FAM222B: variants seen among roughly 807,000 people sequenced by gnomAD.
FAM222B encodes protein FAM222B.
In FAM222B, 12 loss-of-function variants were observed where a neutral mutation model predicts 38.0. The ratio of observed to expected loss-of-function variants is 0.32; its 90% CI spans 0.20 to 0.51. The LOEUF (loss-of-function observed/expected upper bound fraction) is 0.51, where lower values mean the gene tolerates loss of function less well. Among genes scored for constraint, FAM222B ranks in the 20% least tolerant of loss-of-function variants. FAM222B has a pLI of 0.97. For missense variants in FAM222B, 716 were observed against 754.2 expected (o/e 0.95, Z 0.59); for synonymous variants, 329 against 317.2 (o/e 1.04, Z -0.40).
chr17:28,854,886 C>A, intron 1 of FAM222B: 1 of 805,272 alleles, frequency 1.2e-6, no homozygotes, highest in Non-Finnish European at 1.9e-6. Context: ...CCACCAGTCT[C>A]CAGAGCAATT....
chr17:28,779,321 G>A (rs1170597707), intron 1 of FAM222B, among the ~76,000 whole-genome samples: 1 of 152,086 alleles, frequency 6.6e-6, no homozygotes, highest in Non-Finnish European at 1.5e-5. Context: ...CCCATTAAAA[G>A]AAGCATTCAC....
At chr17:28,800,852 T>TG (rs1491400392) in intron 1 of FAM222B, among the ~76,000 whole-genome samples, 18 of 90,282 alleles carry the variant, frequency 2.0e-4, no homozygotes, top group South Asian at 9.8e-4. Flanking sequence ...CACATTTTGT[T>TG]GAAAAAAAAA....
chr17:28,843,691 G>A (rs1294973436), upstream of FAM222B, among the ~76,000 whole-genome samples: 9 of 151,838 alleles, frequency 5.9e-5, no homozygotes, highest in Non-Finnish European at 8.8e-5. Context: ...CAGATGATTC[G>A]CCCGCCCCGG....
At chr17:28,781,685 A>C (rs1026587710) in intron 1 of FAM222B, among the ~76,000 whole-genome samples, 2 of 152,208 alleles carry the variant, frequency 1.3e-5, no homozygotes, top group African/African-American at 4.8e-5. Context: ...ATATAAACAC[A>C]ATGAAAGACT....
At chr17:28,810,256 C>T in intron 1 of FAM222B, among the ~76,000 whole-genome samples, 1 of 152,186 alleles carries the variant, frequency 6.6e-6, no homozygotes, top group East Asian at 1.9e-4. Context: ...TCCCAAAGTG[C>T]TGGGATTACA....
chr17:28,760,013 C>T, intron 2 of FAM222B, 137 bp from the exon 3 acceptor site: 2 of 835,284 alleles, frequency 2.4e-6, no homozygotes, highest in Non-Finnish European at 3.7e-6. Context: ...CTGTAGCCTT[C>T]ATTCGAGACC....
chr17:28,837,392 T>C (rs976759785), intron 1 of FAM222B, among the ~76,000 whole-genome samples: 7 of 148,854 alleles, frequency 4.7e-5, no homozygotes, highest in South Asian at 2.1e-4. Flanking sequence ...ATCGAGCCAC[T>C]GCACTCCAGC....
intron 1 of FAM222B, among the ~76,000 whole-genome samples, chr17:28,819,337 A>G (rs566725729): frequency 6.6e-6 from 1 of 152,294 alleles, no homozygotes; most frequent in East Asian, 1.9e-4. Context: ...AAGACAAATA[A>G]CCAAAGGGGA....
At chr17:28,784,020 G>A (rs930070486) in intron 1 of FAM222B, among the ~76,000 whole-genome samples, 4 of 151,692 alleles carry the variant, frequency 2.6e-5, no homozygotes, top group Admixed American at 6.6e-5. Flanking sequence ...GGCTGGTCTC[G>A]AACTCTTAAC....
intron 2 of FAM222B, among the ~76,000 whole-genome samples, chr17:28,760,805 AACAGTAG>A (rs1184310271): frequency 2.0e-5 from 3 of 152,164 alleles, no homozygotes; most frequent in African/African-American, 7.2e-5. Flanking sequence ...GGGCACCCTG[AACAGTAG>A]ACAGAATGCT....
intron 1 of FAM222B, among the ~76,000 whole-genome samples, chr17:28,816,874 A>G (rs17721128): frequency 0.056 from 8,473 of 152,240 alleles, 328 homozygotes; most frequent in South Asian, 0.12. Flanking sequence ...CAAAGTAGCA[A>G]GGTGTAACAG....
At position 28,758,921 on chromosome 17, in the gene FAM222B, G is replaced by A. The variant is rs1243124085; in HGVS notation, c.1038C>T (p.Pro346=). Residue 346 remains proline (P), a synonymous_variant, in exon 3 of 3, where the codon CCC becomes CCT. Coordinates refer to ENST00000581407, the MANE Select transcript of FAM222B (RefSeq NM_001077498.3). ...CAGTGGGGACGCGAGAGATGCCTGT[G>A]GGCAGGTTGACAGGACCTGCAGCAG... ...ALPAAGPVNL[P]TGISRVPTGY... is the part of the protein sequence containing the mutation. 3.1e-6 allele frequency: 5 copies of A among 1,609,460 alleles called. No individual in the cohort carries two copies. Among genetic ancestry groups the A allele is most frequent in the South Asian group, 1.1e-5 (1 of 90,106 alleles).
At chr17:28,801,451 C>CAAAA (rs766189732) in intron 1 of FAM222B, among the ~76,000 whole-genome samples, 12 of 90,290 alleles carry the variant, frequency 1.3e-4, no homozygotes, top group Non-Finnish European at 1.8e-4. Flanking sequence ...GACTCCGTCT[C>CAAAA]AAAAAAAAAA....
intron 1 of FAM222B, among the ~76,000 whole-genome samples, chr17:28,805,215 A>G (rs1291059604): frequency 3.3e-5 from 5 of 152,078 alleles, no homozygotes; most frequent in African/African-American, 9.7e-5. Flanking sequence ...AAAAGTAGCC[A>G]GGCATGATGA....
rs1597883463 is a variant in FAM222B at position 28,775,953 on chromosome 17, G to A, written c.-40-9246C>T. Among the ~76,000 whole-genome samples, 3 of 151,602 alleles carry A rather than the reference G, an allele frequency of 2.0e-5. No homozygotes were observed. The East Asian group carries it at 5.8e-4, about 29-fold the overall frequency. On this transcript the variant is annotated intron_variant, in intron 1 of 2. Transcript: ENST00000581407. ...GAGCCGGGCATGGTGGTGTGCACCT[G>A]TAATCCCAGCTACTTGGGAGGCTGA...
At chr17:28,775,275 G>A (rs1054135247) in intron 1 of FAM222B, among the ~76,000 whole-genome samples, 4 of 151,834 alleles carry the variant, frequency 2.6e-5, no homozygotes, top group East Asian at 1.9e-4. Context: ...GGGCCACACC[G>A]CCCAGCCTCA....
chr17:28,824,852 G>A (rs1308627227), intron 1 of FAM222B, among the ~76,000 whole-genome samples: 3 of 152,046 alleles, frequency 2.0e-5, no homozygotes, highest in African/African-American at 4.8e-5. Context: ...TCAGCTCACC[G>A]CAACCCAGGT....
intron 1 of FAM222B, among the ~76,000 whole-genome samples, chr17:28,792,871 A>G (rs1231498129): frequency 6.6e-6 from 1 of 151,750 alleles, no homozygotes; most frequent in Non-Finnish European, 1.5e-5. Flanking sequence ...CCTTCTTCAT[A>G]CCTGACATTC....
intron 1 of FAM222B, among the ~76,000 whole-genome samples, chr17:28,822,868 CACATATATATATAT>C (rs1445177541): frequency 3.3e-5 from 3 of 89,760 alleles, no homozygotes; most frequent in African/African-American, 1.4e-4. Flanking sequence ...TATATATACA[CACATATATATATAT>C]ACACACACAC....
Sources: allele counts gnomAD v4.1 joint callset (sites outside exome capture counted in the v4.1 genomes callset), GRCh38; gene constraint gnomAD v4.1.1; transcripts MANE v1.5; gene names NCBI Gene and HGNC (gene_info 2026-07-23, HGNC 2026-07-21).